FOXP2: variants seen among roughly 807,000 people sequenced by gnomAD.
FOXP2 encodes the protein forkhead box protein P2.
A neutral mutation model predicts 115.8 loss-of-function variants in FOXP2; 12 were observed. The observed-to-expected ratio is 0.10, with a 90% CI of 0.07 to 0.17. The LOEUF is 0.17. FOXP2 is among the 10% of genes least tolerant of loss of function. FOXP2 has a pLI of 1.00. For missense variants in FOXP2, 629 were observed against 843.5 expected (o/e 0.75, Z 3.15); for synonymous variants, 328 against 297.7 (o/e 1.10, Z -1.05).
intron 3 of FOXP2, among the ~76,000 whole-genome samples, chr7:114,562,599 C>T (rs1800806968): frequency 2.0e-5 from 3 of 152,108 alleles, no homozygotes; most frequent in Admixed American, 6.6e-5. Flanking sequence ...GATACCTACC[C>T]CTTTCCACCT....
intron 1 of FOXP2, among the ~76,000 whole-genome samples, chr7:114,196,245 C>T (rs529867964): frequency 4.0e-4 from 61 of 151,944 alleles, no homozygotes; most frequent in African/African-American, 1.4e-3. Context: ...CTCTTGACCT[C>T]GTGATTTGCC....
At chr7:114,146,015 A>G (rs535241161) in intron 1 of FOXP2, among the ~76,000 whole-genome samples, 12 of 152,148 alleles carry the variant, frequency 7.9e-5, no homozygotes, top group Admixed American at 3.3e-4. Context: ...GACACTGGGT[A>G]CTTTCTGTAG....
chr7:114,645,428 T>C (rs977897600), intron 8 of FOXP2: 1 of 151,882 alleles, frequency 6.6e-6, no homozygotes, highest in Non-Finnish European at 1.5e-5. Context: ...AAACTTTGTG[T>C]ATTCTTAATT....
intron 3 of FOXP2, among the ~76,000 whole-genome samples, chr7:114,550,438 A>G (rs1332218520): frequency 1.3e-5 from 2 of 151,880 alleles, no homozygotes; most frequent in Non-Finnish European, 2.9e-5. Flanking sequence ...TGAAGAAGGT[A>G]TTTCTTTCTT....
intron 2 of FOXP2, among the ~76,000 whole-genome samples, chr7:114,455,259 A>G (rs957009370): frequency 6.6e-6 from 1 of 152,208 alleles, no homozygotes; most frequent in South Asian, 2.1e-4. Context: ...AAAAACATCC[A>G]TTTAACTAAT....
At chr7:114,173,853 T>A (rs1330705899) in intron 1 of FOXP2, among the ~76,000 whole-genome samples, 2 of 152,018 alleles carry the variant, frequency 1.3e-5, no homozygotes, top group Non-Finnish European at 2.9e-5. Context: ...AATAAAGCAA[T>A]GCTTATAGTC....
intron 1 of FOXP2, among the ~76,000 whole-genome samples, chr7:114,137,895 A>T (rs976496021): frequency 2.6e-5 from 4 of 152,178 alleles, no homozygotes; most frequent in African/African-American, 9.7e-5. Flanking sequence ...CCTAGAAGCA[A>T]CAGACATTAG....
intron 2 of FOXP2, among the ~76,000 whole-genome samples, chr7:114,353,965 G>T (rs1436373034): frequency 3.3e-5 from 5 of 152,074 alleles, no homozygotes. Context: ...GATGACCAAA[G>T]ACCTAGTAAA....
At chr7:114,283,873 G>A (rs1239969522) in intron 1 of FOXP2, among the ~76,000 whole-genome samples, 1 of 152,024 alleles carries the variant, frequency 6.6e-6, no homozygotes, top group East Asian at 1.9e-4. Context: ...TGAGGTGGGA[G>A]AATAGCTTGA....
intron 1 of FOXP2, among the ~76,000 whole-genome samples, chr7:114,191,259 G>C (rs1793753755): frequency 6.6e-6 from 1 of 152,042 alleles, no homozygotes; most frequent in African/African-American, 2.4e-5. Flanking sequence ...ATTTTAACTG[G>C]AAGTTCTCAT....
At chr7:114,664,228 A>G (rs746972150) in intron 15 of FOXP2, 45 bp from the exon 16 acceptor site, 1 of 1,600,160 alleles carries the variant, frequency 6.2e-7, no homozygotes, top group African/African-American at 1.3e-5. Context: ...AAATTATTTT[A>G]AATGCCATTT....
At chr7:114,531,640 T>C (rs1799147996) in intron 2 of FOXP2, among the ~76,000 whole-genome samples, 1 of 151,966 alleles carries the variant, frequency 6.6e-6, no homozygotes. Context: ...GTCTCTACTC[T>C]ACCAAAAGAA....
chr7:114,346,957 A>T (rs1398466775), intron 2 of FOXP2, among the ~76,000 whole-genome samples: 1 of 151,884 alleles, frequency 6.6e-6, no homozygotes, highest in African/African-American at 2.4e-5. Flanking sequence ...ATCAGTATAC[A>T]ACACAGATAT....
At chr7:114,687,489 C>T (rs558355838) in intron 16 of FOXP2, among the ~76,000 whole-genome samples, 5 of 152,220 alleles carry the variant, frequency 3.3e-5, no homozygotes, top group Admixed American at 1.3e-4. Context: ...CTTAATATAG[C>T]GTAAAGTGAC....
At chr7:114,622,859 G>C (rs962421700) in intron 3 of FOXP2, among the ~76,000 whole-genome samples, 5 of 151,872 alleles carry the variant, frequency 3.3e-5, no homozygotes, top group African/African-American at 1.2e-4. Context: ...TTTTAGCACA[G>C]TTACAGAAAA....
chr7:114,691,941 A>G lies in FOXP2; in HGVS notation c.*2015A>G. ...GCTTCTACCTCTGCAAAAAAAAAAA[A>G]AGAAAAAAAAAAAAAGAAAAACATT... is the stretch of plus-strand genomic sequence containing the variant. On this transcript the variant is annotated 3_prime_UTR_variant, in exon 17 of 17. Transcript: ENST00000350908. 1 of 396,568 alleles carries G rather than the reference A, an allele frequency of 2.5e-6. No homozygotes were observed. Among genetic ancestry groups the G allele is most frequent in the Non-Finnish European group, 4.9e-6 (1 of 203,506 alleles). The allele number at this position is 396,568 out of a possible 1,614,324, so 24.6% of individuals were successfully genotyped here.
chr7:114,674,860 AATTT>A (rs1378113135), intron 16 of FOXP2, among the ~76,000 whole-genome samples: 3 of 152,044 alleles, frequency 2.0e-5, no homozygotes, highest in Non-Finnish European at 2.9e-5. Context: ...TGAAATAAAC[AATTT>A]ATTTATGACT....
chr7:114,330,534 T>A (rs1242315536), intron 2 of FOXP2, among the ~76,000 whole-genome samples: 1 of 150,196 alleles, frequency 6.7e-6, no homozygotes, highest in Non-Finnish European at 1.5e-5. Context: ...ACAATTTTTA[T>A]ATATACATAA....
In FOXP2 at chr7:114,537,385, A is replaced by G. The variant is rs571383898; in HGVS notation, c.258+2679A>G. 1.3e-3 allele frequency among the ~76,000 whole-genome samples: 201 copies of G among 151,672 alleles called. 2 individuals are homozygous for G. Among genetic ancestry groups the G allele is most frequent in the Admixed American group, 3.0e-3 (46 of 15,198 alleles). ...TAGAGAACCAAAAGAGATACTTTGTATTTTTTATTTTGAAGTATAGTTTTG... is the reference window on the plus strand; with the variant it reads ...TAGAGAACCAAAAGAGATACTTTGTGTTTTTTATTTTGAAGTATAGTTTTG... On this transcript the variant is annotated intron_variant, in intron 3 of 16. Coordinates refer to ENST00000350908, the MANE Select transcript of FOXP2 (RefSeq NM_014491.4).
Sources: allele counts gnomAD v4.1 joint callset (sites outside exome capture counted in the v4.1 genomes callset), GRCh38; gene constraint gnomAD v4.1.1; transcripts MANE v1.5; gene names NCBI Gene and HGNC (gene_info 2026-07-23, HGNC 2026-07-21).